The following GRAMD2B variants were observed in gnomAD, a reference collection of about 807,000 sequenced individuals.
GRAMD2B encodes GRAM domain containing 2B, also known as GRAM domain-containing protein 2B.
A neutral mutation model predicts 59.2 loss-of-function variants in GRAMD2B; 41 were observed. That is an observed-to-expected ratio of 0.69 (90% confidence interval 0.54 to 0.90). GRAMD2B has a LOEUF of 0.90. Ranked by LOEUF, GRAMD2B falls within the 40% of genes least tolerant of loss-of-function variation. The pLI is 0.00. For missense variants in GRAMD2B, 424 were observed against 500.5 expected (o/e 0.85, Z 1.46); for synonymous variants, 161 against 182.7 (o/e 0.88, Z 0.96).
intron 1 of GRAMD2B, among the ~76,000 whole-genome samples, chr5:126,404,949 C>T (rs1758144402): frequency 6.6e-6 from 1 of 151,856 alleles, no homozygotes; most frequent in South Asian, 2.1e-4. Context: ...ATTATCACAA[C>T]CACTCTTTCA....
intron 1 of GRAMD2B, among the ~76,000 whole-genome samples, chr5:126,446,620 TAAAAA>T (rs34271639): frequency 7.4e-6 from 1 of 135,214 alleles, no homozygotes; most frequent in East Asian, 2.2e-4. Flanking sequence ...TTTTAAAAAT[TAAAAA>T]AAAAAAAAAA....
intron 5 of GRAMD2B, among the ~76,000 whole-genome samples, chr5:126,476,834 G>A (rs544046544): frequency 2.0e-5 from 3 of 152,166 alleles, no homozygotes; most frequent in African/African-American, 7.2e-5. Context: ...GTGAGGAGGC[G>A]AATGAAATTT....
chr5:126,417,307 G>A (rs1266560304), intron 1 of GRAMD2B, among the ~76,000 whole-genome samples: 1 of 152,160 alleles, frequency 6.6e-6, no homozygotes, highest in Non-Finnish European at 1.5e-5. Context: ...TAGGACACAT[G>A]GTCTGGAGGA....
intron 8 of GRAMD2B, among the ~76,000 whole-genome samples, chr5:126,481,215 GAA>G (rs1561598854): frequency 2.0e-3 from 23 of 11,624 alleles, no homozygotes; most frequent in African/African-American, 3.2e-3. Flanking sequence ...AAGAAAGAAA[GAA>G]AGAAAGAAAG....
At chr5:126,468,361 T>C (rs1768864538) in intron 2 of GRAMD2B, among the ~76,000 whole-genome samples, 1 of 152,218 alleles carries the variant, frequency 6.6e-6, no homozygotes, top group Non-Finnish European at 1.5e-5. Context: ...TTCACTTTTA[T>C]TGTATTCCCA....
Position 126,439,078 on chromosome 5 carries a change from A to T in GRAMD2B, c.83+15389A>T, listed in dbSNP as rs78851254. Among the ~76,000 whole-genome samples, 1,012 of 152,230 alleles carry T rather than the reference A, an allele frequency of 6.6e-3. 13 individuals are homozygous for T. Among genetic ancestry groups the T allele is most frequent in the African/African-American group, 0.023 (965 of 41,514 alleles). On this transcript the variant is annotated intron_variant, in intron 1 of 13. Transcript: ENST00000285689. ...GAGGGATTATGTGAAATGTCAGTAAAGGTTGCTGGTGATAAGGCCATTATT... is the reference window on the plus strand; with the variant it reads ...GAGGGATTATGTGAAATGTCAGTAATGGTTGCTGGTGATAAGGCCATTATT...
intron 1 of GRAMD2B, among the ~76,000 whole-genome samples, chr5:126,434,267 G>T (rs1041991642): frequency 9.9e-5 from 15 of 151,992 alleles, no homozygotes; most frequent in Non-Finnish European, 2.2e-4. Context: ...GTAGGTGTTG[G>T]TATGTCATAA....
intron 12 of GRAMD2B, among the ~76,000 whole-genome samples, chr5:126,488,435 A>G (rs1375015565): frequency 6.6e-6 from 1 of 152,254 alleles, no homozygotes; most frequent in African/African-American, 2.4e-5. Context: ...TCAAAAGTAC[A>G]ATAATTCTTG....
chr5:126,438,001 A>G (rs1762691701), intron 1 of GRAMD2B, among the ~76,000 whole-genome samples: 1 of 152,140 alleles, frequency 6.6e-6, no homozygotes, highest in Non-Finnish European at 1.5e-5. Flanking sequence ...TTCTTTGTCA[A>G]TATGGCATCC....
At chr5:126,400,456 A>G (rs1234055632) in intron 1 of GRAMD2B, among the ~76,000 whole-genome samples, 1 of 152,070 alleles carries the variant, frequency 6.6e-6, no homozygotes, top group African/African-American at 2.4e-5. Context: ...ACTTTTGTCT[A>G]TTATCTTTTT....
Position 126,465,276 on chromosome 5 carries a change from TG to T in GRAMD2B, c.84-147del. On this transcript the variant is annotated intron_variant, in intron 1 of 13. Coordinates refer to ENST00000285689, the MANE Select transcript of GRAMD2B (RefSeq NM_023927.4). ...CCAGGCAAGGGGTTAGAATGGAGAT[TG>T]GGAAAGGGCCTCGCTGTCAAAGTTA... 2.7e-6 allele frequency: 4 copies of T among 1,482,980 alleles called. No individual in the cohort carries two copies. In the South Asian group the frequency reaches 5.7e-5, roughly 21 times the overall value. 91.9% of individuals were successfully genotyped at this position (1,482,980 alleles called of 1,614,324 possible).
intron 8 of GRAMD2B, 60 bp downstream of exon 8, chr5:126,480,767 C>T (rs1771564751): frequency 2.1e-6 from 3 of 1,429,122 alleles, no homozygotes; most frequent in Non-Finnish European, 2.0e-6. Flanking sequence ...CACAATTACA[C>T]TTGTGCTTAC....
chr5:126,360,879 G>C (rs1002660045), intron 1 of GRAMD2B, among the ~76,000 whole-genome samples: 1 of 152,106 alleles, frequency 6.6e-6, no homozygotes, highest in Non-Finnish European at 1.5e-5. Flanking sequence ...AGGATTATAA[G>C]ATATTTGCAT....
intron 1 of GRAMD2B, among the ~76,000 whole-genome samples, chr5:126,361,336 G>A (rs779137197): frequency 2.6e-5 from 4 of 152,094 alleles, no homozygotes; most frequent in Admixed American, 2.0e-4. Context: ...ATATAAATGG[G>A]TGGGAAGATT....
upstream of GRAMD2B, among the ~76,000 whole-genome samples, chr5:126,422,282 C>T (rs1380148142): frequency 2.6e-5 from 4 of 151,920 alleles, no homozygotes; most frequent in African/African-American, 9.7e-5. Context: ...CCACAACCTC[C>T]ATCTCCCAGG....
intron 1 of GRAMD2B, among the ~76,000 whole-genome samples, chr5:126,412,368 A>G (rs779800831): frequency 1.3e-5 from 2 of 152,162 alleles, no homozygotes; most frequent in African/African-American, 2.4e-5. Flanking sequence ...TGAGATAATC[A>G]TATGGTTTTT....
At chr5:126,380,193 C>T (rs1755543852) in intron 1 of GRAMD2B, among the ~76,000 whole-genome samples, 1 of 152,054 alleles carries the variant, frequency 6.6e-6, no homozygotes, top group South Asian at 2.1e-4. Context: ...GTTTTGTTTG[C>T]CTTGTCAAAG....
Position 126,439,328 on chromosome 5 carries a change from CT to C in GRAMD2B, c.83+15656del, listed in dbSNP as rs930960414. ...ATTGTTTCTTTGTTTTTTGGTTTTG[CT>C]TTTTTTTTTTTTTTTTGGAGACAGA... On this transcript the variant is annotated intron_variant, in intron 1 of 13. Coordinates refer to ENST00000285689, the MANE Select transcript of GRAMD2B (RefSeq NM_023927.4). 3.5e-3 allele frequency among the ~76,000 whole-genome samples: 433 copies of C among 122,530 alleles called. 2 individuals are homozygous for C. The highest frequency in any genetic ancestry group is 8.7e-3 in the Middle Eastern group (2 of 230). The allele number at this position is 122,530 out of a possible 152,430, so 80.4% of individuals were successfully genotyped here. A position where few individuals can be genotyped will look rare whatever the true frequency, so the allele number is the denominator to read the frequency against.
intron 3 of GRAMD2B, 38 bp from the exon 4 acceptor site, chr5:126,472,200 G>A (rs1422679081): frequency 1.3e-6 from 2 of 1,512,904 alleles, no homozygotes; most frequent in Non-Finnish European, 1.8e-6. Flanking sequence ...TCACAAGAAA[G>A]TGAGAATGGT....
Sources: gnomAD v4.1 joint callset for allele counts (sites outside exome capture counted in the v4.1 genomes callset) on GRCh38, gnomAD v4.1.1 for gene constraint, MANE v1.5 for transcripts, NCBI Gene and HGNC (gene_info 2026-07-23, HGNC 2026-07-21) for gene names.